Variants in AUTS2 observed in about 807,000 individuals in gnomAD.
AUTS2 encodes activator of transcription and developmental regulator AUTS2.
A neutral mutation model predicts 112.4 loss-of-function variants in AUTS2; 17 were observed. The ratio of observed to expected loss-of-function variants is 0.15; its 90% CI spans 0.10 to 0.23. The LOEUF (loss-of-function observed/expected upper bound fraction) is 0.23, where lower values mean the gene tolerates loss of function less well. AUTS2 is among the 10% of genes least tolerant of loss of function. AUTS2 has a pLI of 1.00. For missense variants in AUTS2, 1,510 were observed against 1,701.6 expected, an observed-to-expected ratio of 0.89 and a Z score of 1.98; for synonymous variants, 751 against 702.7, an observed-to-expected ratio of 1.07 and a Z score of -1.09.
chr7:70,661,880 A>C (rs996526471), intron 5 of AUTS2, among the ~76,000 whole-genome samples: 1 of 151,508 alleles, frequency 6.6e-6, no homozygotes, highest in Non-Finnish European at 1.5e-5. Flanking sequence ...TGTTTGAAGA[A>C]AAAAAAAAGG....
intron 1 of AUTS2, among the ~76,000 whole-genome samples, chr7:69,780,890 G>A (rs1789117795): frequency 6.6e-6 from 1 of 152,222 alleles, no homozygotes. Context: ...AATTGAGGTT[G>A]ATAGGATTTT....
chr7:70,331,953 G>C (rs188007234), intron 4 of AUTS2, among the ~76,000 whole-genome samples: 3 of 152,126 alleles, frequency 2.0e-5, no homozygotes, highest in African/African-American at 7.2e-5. Flanking sequence ...AGTATTGGAA[G>C]TTCTGGCTAG....
intron 4 of AUTS2, among the ~76,000 whole-genome samples, chr7:70,280,717 C>T (rs1788176193): frequency 6.6e-6 from 1 of 152,076 alleles, no homozygotes; most frequent in Non-Finnish European, 1.5e-5. Context: ...AACACTCCGT[C>T]CCCAACCCCG....
intron 3 of AUTS2, among the ~76,000 whole-genome samples, chr7:70,126,588 T>A (rs1245296934): frequency 6.6e-6 from 1 of 152,176 alleles, no homozygotes; most frequent in Non-Finnish European, 1.5e-5. Context: ...GAATATATAG[T>A]TAATAAATGT....
chr7:70,239,627 G>T (rs566722048), intron 4 of AUTS2, among the ~76,000 whole-genome samples: 17 of 152,124 alleles, frequency 1.1e-4, no homozygotes, highest in African/African-American at 3.9e-4. Context: ...TAGAGACAGG[G>T]TTTCCCCATG....
chr7:69,682,847 A>G (rs1796863236), intron 1 of AUTS2, among the ~76,000 whole-genome samples: 1 of 152,090 alleles, frequency 6.6e-6, no homozygotes. Flanking sequence ...GCACTTTGGG[A>G]GGCTGAGGTG....
intron 5 of AUTS2, among the ~76,000 whole-genome samples, chr7:70,551,451 C>T (rs1801011702): frequency 6.6e-6 from 1 of 152,186 alleles, no homozygotes; most frequent in East Asian, 1.9e-4. Context: ...CCTCTGTAGT[C>T]TTCCTCCCAA....
rs181538252 is a variant in AUTS2, at chr7:70,348,702, A to T, written c.661-87050A>T. On this transcript the variant is annotated intron_variant, in intron 4 of 18. Transcript: ENST00000342771. ...GCGGGCGCCTGTAGTCCCAGCTGCT[A>T]GGGAGGCTGAGGCAGGAGAATGGCG... Among the ~76,000 whole-genome samples, 146 of 152,168 alleles carry T rather than the reference A, an allele frequency of 9.6e-4. 1 individual carries two copies. In the East Asian group the frequency reaches 0.011, roughly 11 times the overall value.
rs1344964142 is a variant in AUTS2, at chr7:69,858,270, G to T, written c.310-41016G>T. On this transcript the variant is annotated intron_variant, in intron 1 of 18. Transcript: ENST00000342771. ...CTTTAGTTGCTGCTGTTGGTTTCAG[G>T]AGAATCACCTGGATGTCAGTGCCTT... Among the ~76,000 whole-genome samples, 4 of 152,216 alleles carry T rather than the reference G, an allele frequency of 2.6e-5. No individual in the cohort carries two copies. The South Asian group carries it at 6.2e-4, about 24-fold the overall frequency.
chr7:70,015,668 A>G (rs1799994862), intron 2 of AUTS2, among the ~76,000 whole-genome samples: 1 of 152,232 alleles, frequency 6.6e-6, no homozygotes, highest in Non-Finnish European at 1.5e-5. Context: ...TAATACACAA[A>G]CGAAATGAAA....
At chr7:70,068,195 G>T (rs1410576718) in intron 2 of AUTS2, among the ~76,000 whole-genome samples, 6 of 145,542 alleles carry the variant, frequency 4.1e-5, no homozygotes, top group African/African-American at 1.3e-4. Flanking sequence ...TTTTTTTTGA[G>T]AGAGATGGAG....
intron 5 of AUTS2, among the ~76,000 whole-genome samples, chr7:70,548,542 T>C (rs950819547): frequency 1.3e-4 from 20 of 152,326 alleles, no homozygotes; most frequent in African/African-American, 4.3e-4. Context: ...ATTTTAACTC[T>C]TACATTCATC....
At chr7:70,686,808 C>T (rs1268357532) in intron 5 of AUTS2, among the ~76,000 whole-genome samples, 2 of 152,210 alleles carry the variant, frequency 1.3e-5, no homozygotes, top group African/African-American at 4.8e-5. Context: ...GCTAGGACCA[C>T]GCACACGTGA....
intron 5 of AUTS2, among the ~76,000 whole-genome samples, chr7:70,684,964 A>G (rs574293797): frequency 1.3e-5 from 2 of 152,312 alleles, no homozygotes; most frequent in South Asian, 4.2e-4. Flanking sequence ...TCTTAGAACC[A>G]GTAAATGGCA....
rs546194096 is a variant in AUTS2 at position 69,768,090 on chromosome 7, A to G, written c.310-131196A>G. 5.3e-5 allele frequency among the ~76,000 whole-genome samples: 8 copies of G among 152,190 alleles called. No individual in the cohort carries two copies. In the South Asian group the frequency reaches 1.5e-3, roughly 28 times the overall value. On this transcript the variant is annotated intron_variant, in intron 1 of 18. Coordinates refer to ENST00000342771, the MANE Select transcript of AUTS2 (RefSeq NM_015570.4). ...TAGAACCTTCTGCAGTATTTGGTGT[A>G]TTGTTCTGTCTGTGGCAATTGTCTG...
intron 2 of AUTS2, among the ~76,000 whole-genome samples, chr7:69,912,021 G>A (rs1030316089): frequency 1.3e-5 from 2 of 152,282 alleles, no homozygotes; most frequent in South Asian, 4.1e-4. Flanking sequence ...GTAGGCCCAC[G>A]CTGAGCCACC....
At chr7:70,568,252 C>A (rs547720142) in intron 5 of AUTS2, among the ~76,000 whole-genome samples, 2 of 152,122 alleles carry the variant, frequency 1.3e-5, no homozygotes, top group Non-Finnish European at 1.5e-5. Context: ...GTGGAGCCAG[C>A]CTGCCTGAAT....
chr7:70,719,039 G>A (rs950179925), intron 6 of AUTS2, among the ~76,000 whole-genome samples: 7 of 152,156 alleles, frequency 4.6e-5, no homozygotes, highest in African/African-American at 1.7e-4. Context: ...CATTTATTGA[G>A]TACTTACTAT....
intron 1 of AUTS2, among the ~76,000 whole-genome samples, chr7:69,754,252 T>C (rs1787858669): frequency 6.6e-6 from 1 of 152,118 alleles, no homozygotes; most frequent in Non-Finnish European, 1.5e-5. Flanking sequence ...GGGGACAACA[T>C]ATGTTACATA....
Sources: allele counts gnomAD v4.1 joint callset (sites outside exome capture counted in the v4.1 genomes callset), GRCh38; gene constraint gnomAD v4.1.1; transcripts MANE v1.5; gene names NCBI Gene and HGNC (gene_info 2026-07-23, HGNC 2026-07-21).